The following CECR2 variants were observed in gnomAD, a reference collection of about 807,000 sequenced individuals.
CECR2 encodes chromatin remodeling regulator CECR2.
Under a neutral mutation model 154.5 loss-of-function variants are expected in CECR2, and 30 were observed. The observed-to-expected ratio is 0.19, with a 90% CI of 0.15 to 0.26. The LOEUF (loss-of-function observed/expected upper bound fraction) is 0.26, where lower values mean the gene tolerates loss of function less well. CECR2 is among the 10% of genes least tolerant of loss of function. The pLI is 1.00. For synonymous variants in CECR2, 725 were observed against 683.7 expected (o/e 1.06, Z -0.94); for missense variants, 1,743 against 1,829.3 (o/e 0.95, Z 0.86).
At chr22:17,385,897 G>T (rs1314765757) in intron 1 of CECR2, among the ~76,000 whole-genome samples, 1 of 152,238 alleles carries the variant, frequency 6.6e-6, no homozygotes, top group Non-Finnish European at 1.5e-5. Flanking sequence ...TGAAGAAAGA[G>T]TAGGTGGGAC....
chr22:17,501,053 G>T (rs1387809449), intron 5 of CECR2, among the ~76,000 whole-genome samples: 1 of 152,020 alleles, frequency 6.6e-6, no homozygotes, highest in African/African-American at 2.4e-5. Flanking sequence ...GATACTTGGG[G>T]GATTTTCTTT....
At chr22:17,384,391 G>T (rs552352044) in intron 1 of CECR2, among the ~76,000 whole-genome samples, 6 of 152,110 alleles carry the variant, frequency 3.9e-5, no homozygotes, top group Non-Finnish European at 8.8e-5. Context: ...GCCACAAAAT[G>T]TATTTCTTAA....
chr22:17,525,240 G>A (rs554929447), intron 9 of CECR2, among the ~76,000 whole-genome samples: 182 of 122,262 alleles, frequency 1.5e-3, no homozygotes, highest in Non-Finnish European at 2.2e-3. Context: ...AGCCAAGATC[G>A]TGCCATTGTA....
chr22:17,552,774 G>GTTTTTTTTGTTTTTT (rs1193436239), intron 18 of CECR2, 61 bp from the exon 19 acceptor site: 5 of 943,722 alleles, frequency 5.3e-6, no homozygotes, highest in African/African-American at 2.3e-5. Context: ...GCTTACTTAA[G>GTTTTTTTTGTTTTTT]TTTTTTTTTT....
At chr22:17,534,457 C>T (rs2056406662) in intron 9 of CECR2, among the ~76,000 whole-genome samples, 1 of 151,998 alleles carries the variant, frequency 6.6e-6, no homozygotes, top group South Asian at 2.1e-4. Flanking sequence ...GTACAAAAAG[C>T]AAAAACCATA....
chr22:17,446,724 A>G (rs1351126249), intron 1 of CECR2, among the ~76,000 whole-genome samples: 2 of 143,788 alleles, frequency 1.4e-5, no homozygotes, highest in East Asian at 2.2e-4. Flanking sequence ...TCAAAAACAA[A>G]ACAAAACAAA....
chr22:17,383,202 G>A (rs544583134), intron 1 of CECR2, among the ~76,000 whole-genome samples: 2 of 152,248 alleles, frequency 1.3e-5, no homozygotes, highest in East Asian at 1.9e-4. Flanking sequence ...TCTAGCCTGG[G>A]AAACAGAGCA....
At chr22:17,512,189 G>A (rs1250683298) in intron 8 of CECR2, among the ~76,000 whole-genome samples, 1 of 152,004 alleles carries the variant, frequency 6.6e-6, no homozygotes, top group Admixed American at 6.6e-5. Context: ...GCAAAGATGG[G>A]AGGATGTAGA....
chr22:17,505,102 C>T lies in CECR2; in HGVS notation c.870+86C>T, dbSNP rs191061412. The T allele has an allele frequency of 1.2e-5, 16 of 1,305,152 alleles. No homozygotes were observed. The South Asian group carries it at 1.5e-4, about 12-fold the overall frequency. The allele number at this position is 1,305,152 out of a possible 1,614,324, so 80.8% of individuals were successfully genotyped here. Reference sequence around the variant, plus strand: ...GATTATTCATGAGACCTTCCCCATACACCCCACTGTCCTGGAAATAGTGCA... The same window carrying T: ...GATTATTCATGAGACCTTCCCCATATACCCCACTGTCCTGGAAATAGTGCA... On this transcript the variant is annotated intron_variant, in intron 7 of 18. Coordinates refer to ENST00000262608, the MANE Select transcript of CECR2 (RefSeq NM_001290047.2).
At chr22:17,379,781 C>A (rs769188102) in intron 1 of CECR2, among the ~76,000 whole-genome samples, 1 of 151,970 alleles carries the variant, frequency 6.6e-6, no homozygotes, top group Non-Finnish European at 1.5e-5. Flanking sequence ...TTTATGGATT[C>A]AAATAGATTT....
At chr22:17,419,525 A>AGAAGAGGAAGAGGAAGAG (rs200071999) in intron 1 of CECR2, 20 of 185,006 alleles carry the variant, frequency 1.1e-4, no homozygotes, top group Admixed American at 9.8e-4. Flanking sequence ...AAGAAGAAGA[A>AGAAGAGGAAGAGGAAGAG]GAAGAGGAAG....
chr22:17,363,991 T>C (rs2062989023), intron 1 of CECR2, among the ~76,000 whole-genome samples: 1 of 151,856 alleles, frequency 6.6e-6, no homozygotes, highest in Non-Finnish European at 1.5e-5. Context: ...GAATAGGGAG[T>C]TATGGAATGC....
intron 8 of CECR2, among the ~76,000 whole-genome samples, chr22:17,516,965 C>T (rs2146942386): frequency 6.6e-6 from 1 of 151,144 alleles, no homozygotes; most frequent in East Asian, 2.0e-4. Flanking sequence ...GGCTGGAGTG[C>T]AGTGGCGTGA....
chr22:17,464,855 CCTCT>C (rs775606817), intron 1 of CECR2, among the ~76,000 whole-genome samples: 10 of 152,098 alleles, frequency 6.6e-5, no homozygotes, highest in Non-Finnish European at 1.2e-4. Context: ...AGCACGTCAG[CCTCT>C]CTATTAAGTT....
At chr22:17,405,633 C>G (rs1278540350) in intron 1 of CECR2, among the ~76,000 whole-genome samples, 2 of 123,738 alleles carry the variant, frequency 1.6e-5, no homozygotes, top group East Asian at 4.4e-4. Context: ...GAGTGAGACT[C>G]CATCTCAAAA....
intron 1 of CECR2, among the ~76,000 whole-genome samples, chr22:17,451,252 T>C (rs780001303): frequency 5.3e-5 from 8 of 152,156 alleles, no homozygotes; most frequent in Non-Finnish European, 1.2e-4. Flanking sequence ...CCATTACAGG[T>C]AGATTTTTAA....
chr22:17,390,010 A>G (rs1408630454), intron 1 of CECR2, among the ~76,000 whole-genome samples: 2 of 152,186 alleles, frequency 1.3e-5, no homozygotes. Context: ...ATAGTATATC[A>G]AATGTTGCCA....
chr22:17,506,724 G>GC (rs1318203784), intron 7 of CECR2, among the ~76,000 whole-genome samples: 4 of 151,986 alleles, frequency 2.6e-5, no homozygotes, highest in Admixed American at 1.3e-4. Flanking sequence ...CACAATCTTG[G>GC]CCCCCCGCAG....
chr22:17,441,869 A>G (rs953036104), intron 1 of CECR2, among the ~76,000 whole-genome samples: 2 of 152,234 alleles, frequency 1.3e-5, no homozygotes, highest in Admixed American at 6.5e-5. Flanking sequence ...TTCATGGAAC[A>G]TGTTGAAGTA....
Sources: gnomAD v4.1 joint callset for allele counts (sites outside exome capture counted in the v4.1 genomes callset) on GRCh38, gnomAD v4.1.1 for gene constraint, MANE v1.5 for transcripts, NCBI Gene and HGNC (gene_info 2026-07-23, HGNC 2026-07-21) for gene names.